Variants in OAF observed in about 807,000 individuals in gnomAD.
OAF encodes the protein out at first homolog.
OAF carries 13 observed loss-of-function variants against 22.5 expected under a neutral mutation model. That is an observed-to-expected ratio of 0.58 (90% CI 0.38 to 0.92). The LOEUF (loss-of-function observed/expected upper bound fraction) is 0.92, where lower values mean the gene tolerates loss of function less well. Among genes scored for constraint, OAF ranks in the 40% least tolerant of loss-of-function variants. The pLI is 0.00. For missense variants in OAF, 347 were observed against 381.8 expected (o/e 0.91, Z 0.76); for synonymous variants, 175 against 170.5 (o/e 1.03, Z -0.21).
chr11:120,216,996 C>G (rs1007749041), intron 1 of OAF: 17 of 152,374 alleles, frequency 1.1e-4, no homozygotes, highest in African/African-American at 4.1e-4. Context: ...ACCCAGGGTT[C>G]CTTCCAGTAT....
At position 120,211,544 on chromosome 11, in the gene OAF, C is replaced by T. The variant is rs750304567; in HGVS notation, c.231+34C>T. On this transcript the variant is annotated intron_variant, in intron 1 of 3. Transcript: ENST00000328965. Reference sequence around the variant, plus strand: ...CCCTCACTCGCCGGGGTGGCACCTTCAAGCCTGAGCCCCCCGGGATCCCAG... The same window carrying T: ...CCCTCACTCGCCGGGGTGGCACCTTTAAGCCTGAGCCCCCCGGGATCCCAG... 3 of 1,383,098 alleles carry T rather than the reference C, an allele frequency of 2.2e-6. No homozygotes were observed. The South Asian group carries it at 5.0e-5, about 23-fold the overall frequency. The allele number at this position is 1,383,098 out of a possible 1,614,324, so 85.7% of individuals were successfully genotyped here. A position where few individuals can be genotyped will look rare whatever the true frequency, so the allele number is the denominator to read the frequency against.
At position 120,218,861 on chromosome 11, in the gene OAF, C is replaced by A. The variant is rs907538825; in HGVS notation, c.232-6800C>A. Among the ~76,000 whole-genome samples the A allele has an allele frequency of 3.3e-5, 5 of 152,252 alleles. No individual in the cohort carries two copies. The East Asian group carries it at 9.7e-4, about 30-fold the overall frequency. ...TTTCTGGGGAGGGGCTGAGGAAGAG[C>A]GCCTGGAGAGTGGGGCCAGCTAGGG... On this transcript the variant is annotated intron_variant, in intron 1 of 3. Transcript: ENST00000328965.
intron 3 of OAF, 47 bp from the exon 4 acceptor site, chr11:120,228,821 T>TACCAAAC: frequency 1.9e-6 from 1 of 520,280 alleles, no homozygotes; most frequent in Non-Finnish European, 3.6e-6. Flanking sequence ...GGGAGCTCCT[T>TACCAAAC]CCCTCCCTCC....
intron 1 of OAF, among the ~76,000 whole-genome samples, chr11:120,225,228 C>G (rs1306880833): frequency 1.3e-5 from 2 of 151,856 alleles, no homozygotes; most frequent in Admixed American, 6.5e-5. Context: ...CTCCCCAGAT[C>G]TACTGAATAA....
intron 2 of OAF, 103 bp from the exon 3 acceptor site, chr11:120,226,713 C>G: frequency 1.8e-6 from 2 of 1,091,508 alleles, no homozygotes; most frequent in Non-Finnish European, 2.7e-6. Context: ...CCCCAGCGTT[C>G]TAAAGGCAGT....
At chr11:120,216,380 G>A (rs1215422658) in intron 1 of OAF, among the ~76,000 whole-genome samples, 5 of 152,240 alleles carry the variant, frequency 3.3e-5, no homozygotes, top group African/African-American at 7.2e-5. Flanking sequence ...AAGATTTGGC[G>A]TGGAAGCATC....
chr11:120,229,366 G>GTTTTTTAATGATAC lies in OAF; in HGVS notation c.*224_*225insTTTTTTAATGATAC. 1.9e-6 allele frequency: 1 copy of GTTTTTTAATGATAC among 537,252 alleles called. No homozygotes were observed. Among genetic ancestry groups the GTTTTTTAATGATAC allele is most frequent in the Non-Finnish European group, 3.3e-6 (1 of 298,742 alleles). 33.3% of individuals were successfully genotyped at this position (537,252 alleles called of 1,614,324 possible). On this transcript the variant is annotated 3_prime_UTR_variant, in exon 4 of 4. Transcript: ENST00000328965. ...ATTCCCACCCTGTGCCTTCCTTGCG[G>GTTTTTTAATGATAC]GCAGAGAGGGAGAGAAGGGCTCCCC...
chr11:120,228,815 GCTCCTTCCCTCCCTCC>G, intron 3 of OAF, 37 bp from the exon 4 acceptor site: 1 of 896,618 alleles, frequency 1.1e-6, no homozygotes, highest in Non-Finnish European at 1.8e-6. Flanking sequence ...GACTAGGGGA[GCTCCTTCCCTCCCTCC>G]CTCCCTCCCT....
rs1357304444 is a variant in OAF, at chr11:120,211,324, G to A, written c.45G>A (p.Leu15=). ...GVPLARPALL[L]LLPLLAPLLG... is the part of the protein sequence containing the mutation. ...CCCTGGCGCGCCCTGCGCTGCTGCTGCTGCTGCCGCTGCTCGCGCCGCTGC... is the reference window on the plus strand; with the variant it reads ...CCCTGGCGCGCCCTGCGCTGCTGCTACTGCTGCCGCTGCTCGCGCCGCTGC... The change falls in exon 1 of 4, where the codon CTG becomes CTA. Residue 15 remains leucine, a synonymous_variant. Coordinates refer to ENST00000328965, the MANE Select transcript of OAF (RefSeq NM_178507.4). The A allele has an allele frequency of 1.4e-6, 2 of 1,393,682 alleles. No individual in the cohort carries two copies. Among genetic ancestry groups the A allele is most frequent in the East Asian group, 6.1e-5 (2 of 32,646 alleles). 86.3% of individuals were successfully genotyped at this position (1,393,682 alleles called of 1,614,324 possible).
At chr11:120,226,707 A>C in intron 2 of OAF, 109 bp from the exon 3 acceptor site, 1 of 972,636 alleles carries the variant, frequency 1.0e-6, no homozygotes, top group Non-Finnish European at 1.5e-6. Flanking sequence ...AGATGGCCCC[A>C]GCGTTCTAAA....
Position 120,226,910 on chromosome 11 carries a change from T to G in OAF, c.461T>G (p.Leu154Arg). The change falls in exon 3 of 4, where the codon CTG becomes CGG. Residue 154 changes from leucine (L) to arginine (R), a missense_variant. Leu to Arg is a moderately radical substitution (Grantham distance 102). Transcript: ENST00000328965. ...VAVNFSQGAL[L>R]SPHLHNVCAE... ...GTCAACTTCAGCCAGGGGGCCCTGC[T>G]GAGCCCCCATCTCCACAACGTGTGT... is the stretch of plus-strand genomic sequence containing the variant. 6.2e-7 allele frequency: 1 copy of G among 1,612,392 alleles called. No individual in the cohort carries two copies. Among genetic ancestry groups the G allele is most frequent in the African/African-American group, 1.3e-5 (1 of 75,042 alleles).
At position 120,225,767 on chromosome 11, in the gene OAF, C is replaced by T; in HGVS notation, c.338C>T (p.Pro113Leu). 6.2e-7 allele frequency: 1 copy of T among 1,604,116 alleles called. No homozygotes were observed. The highest frequency in any genetic ancestry group is 1.3e-5 in the African/African-American group (1 of 74,232). The change falls in exon 2 of 4, where the codon CCC becomes CTC. Residue 113 changes from proline (P) to leucine (L), a missense_variant. Physicochemically the swap from Pro to Leu is moderately conservative, Grantham distance 98. Transcript: ENST00000328965. Reference sequence around the variant, plus strand: ...CAGCTGCAGCACAATGAGATCATCCCCAGTGAGGCCATGGCCAAGCTCCGG... The same window carrying T: ...CAGCTGCAGCACAATGAGATCATCCTCAGTGAGGCCATGGCCAAGCTCCGG... ...VTQLQHNEII[P>L]SEAMAKLRQK...
chr11:120,218,322 G>A (rs1938238324), intron 1 of OAF, among the ~76,000 whole-genome samples: 2 of 152,322 alleles, frequency 1.3e-5, no homozygotes, highest in Middle Eastern at 3.4e-3. Context: ...CGGGATGTGC[G>A]TGGCCTGGCT....
chr11:120,225,700 G>A lies in OAF; in HGVS notation c.271G>A (p.Glu91Lys). ...VFRALILGEL[E>K]KGQSQFQALC... ...CCGGGCCCTGATCCTGGGGGAGCTGGAGAAGGGGCAGAGTCAGTTCCAGGC... is the reference window on the plus strand; with the variant it reads ...CCGGGCCCTGATCCTGGGGGAGCTGAAGAAGGGGCAGAGTCAGTTCCAGGC... The change falls in exon 2 of 4, where the codon GAG becomes AAG. Residue 91 changes from glutamate (E) to lysine (K), a missense_variant. Physicochemically the swap from Glu to Lys is moderately conservative, Grantham distance 56. Transcript: ENST00000328965. The A allele has an allele frequency of 6.2e-7, 1 of 1,603,674 alleles. No individual in the cohort carries two copies.
intron 1 of OAF, among the ~76,000 whole-genome samples, chr11:120,214,330 G>A (rs1938184847): frequency 6.6e-6 from 1 of 152,192 alleles, no homozygotes; most frequent in African/African-American, 2.4e-5. Context: ...ATTAGATACT[G>A]TGTTAAGGGC....
At chr11:120,228,044 G>A (rs1253236907) in intron 3 of OAF, among the ~76,000 whole-genome samples, 10 of 150,682 alleles carry the variant, frequency 6.6e-5, no homozygotes, top group African/African-American at 2.4e-4. Flanking sequence ...CCCACTGTGG[G>A]TGTGCTTTGC....
Position 120,211,521 on chromosome 11 carries a change from C to A in OAF, c.231+11C>A. On this transcript the variant is annotated intron_variant, in intron 1 of 3. Transcript: ENST00000328965. ...GCCGACTTCAAGAAGGTGAGGCGCCCTCACTCGCCGGGGTGGCACCTTCAA... is the reference window on the plus strand; with the variant it reads ...GCCGACTTCAAGAAGGTGAGGCGCCATCACTCGCCGGGGTGGCACCTTCAA... The A allele has an allele frequency of 7.0e-7, 1 of 1,436,992 alleles. No individual in the cohort carries two copies. The highest frequency in any genetic ancestry group is 1.5e-5 in the South Asian group (1 of 66,826). 89.0% of individuals were successfully genotyped at this position (1,436,992 alleles called of 1,614,324 possible).
chr11:120,222,410 G>A (rs950118773), intron 1 of OAF, among the ~76,000 whole-genome samples: 1 of 152,070 alleles, frequency 6.6e-6, no homozygotes, highest in Admixed American at 6.6e-5. Flanking sequence ...ACAAAAATTA[G>A]CCGGGCATGG....
chr11:120,227,923 T>C (rs1938383342), intron 3 of OAF, among the ~76,000 whole-genome samples: 1 of 151,532 alleles, frequency 6.6e-6, no homozygotes, highest in South Asian at 2.1e-4. Context: ...AGCTGGCCCC[T>C]CCCATACAGC....
Sources: gnomAD v4.1 joint callset for allele counts (sites outside exome capture counted in the v4.1 genomes callset) on GRCh38, gnomAD v4.1.1 for gene constraint, MANE v1.5 for transcripts, NCBI Gene and HGNC (gene_info 2026-07-23, HGNC 2026-07-21) for gene names.